The following ESR1 variants were observed in gnomAD, a reference collection of about 807,000 sequenced individuals.
ESR1 encodes estrogen receptor.
A neutral mutation model predicts 52.7 loss-of-function variants in ESR1; 12 were observed. That is an observed-to-expected ratio of 0.23 (90% CI 0.15 to 0.37). ESR1 has a LOEUF of 0.37. Ranked by LOEUF, ESR1 falls within the 10% of genes least tolerant of loss-of-function variation. ESR1 has a pLI of 1.00. For synonymous variants in ESR1, 305 were observed against 316.8 expected, an observed-to-expected ratio of 0.96 and a Z score of 0.39; for missense variants, 584 against 779.7, an observed-to-expected ratio of 0.75 and a Z score of 2.99.
At chr6:151,952,924 G>C (rs1409957294) in intron 4 of ESR1, among the ~76,000 whole-genome samples, 1 of 152,098 alleles carries the variant, frequency 6.6e-6, no homozygotes, top group South Asian at 2.1e-4. Context: ...ATGTAGTCAG[G>C]GTAGCTTTCA....
intron 5 of ESR1, among the ~76,000 whole-genome samples, chr6:152,058,899 A>G (rs2047320767): frequency 6.6e-6 from 1 of 152,196 alleles, no homozygotes; most frequent in Non-Finnish European, 1.5e-5. Context: ...AACAATCTTG[A>G]GTCCTAATCC....
chr6:151,887,550 C>T (rs1355901029), intron 3 of ESR1, among the ~76,000 whole-genome samples: 2 of 152,110 alleles, frequency 1.3e-5, no homozygotes, highest in Non-Finnish European at 2.9e-5. Context: ...GGCATACCCT[C>T]TCTTTATTCA....
chr6:151,790,575 T>G lies in ESR1; in HGVS notation c.-70-17268T>G, dbSNP rs138353491. On this transcript the variant is annotated intron_variant, in intron 2 of 2. Transcript: ENST00000404742. ...AGAGAAGAGAGAAGAGAGAAACGCT[T>G]CTTGCTGCTTTTTTTTTTTTTAATC... 5.2e-3 allele frequency among the ~76,000 whole-genome samples: 787 copies of G among 150,456 alleles called. 24 individuals are homozygous for G. The East Asian group carries it at 0.054, about 10-fold the overall frequency.
chr6:151,867,519 A>G (rs1790153969), intron 2 of ESR1, among the ~76,000 whole-genome samples: 1 of 152,154 alleles, frequency 6.6e-6, no homozygotes, highest in South Asian at 2.1e-4. Flanking sequence ...TGCCAACAAC[A>G]TAAATATGCT....
At chr6:151,831,794 A>G (rs930398815) in intron 1 of ESR1, among the ~76,000 whole-genome samples, 3 of 152,246 alleles carry the variant, frequency 2.0e-5, no homozygotes, top group East Asian at 1.9e-4. Flanking sequence ...GCCTGCCACA[A>G]CCATCAATTT....
intron 2 of ESR1, among the ~76,000 whole-genome samples, chr6:151,793,638 G>A (rs1480698952): frequency 6.6e-6 from 1 of 152,166 alleles, no homozygotes; most frequent in Non-Finnish European, 1.5e-5. Flanking sequence ...CAGCTACAAT[G>A]TCAGGAGGCA....
chr6:152,037,714 T>G (rs1237808227), intron 5 of ESR1, among the ~76,000 whole-genome samples: 1 of 152,186 alleles, frequency 6.6e-6, no homozygotes, highest in Admixed American at 6.5e-5. Context: ...GGATATGAAG[T>G]TAGACCTTAC....
chr6:151,716,978 G>A lies in ESR1; in HGVS notation c.-71+14973G>A, dbSNP rs148652692. Among the ~76,000 whole-genome samples, 387 of 152,302 alleles carry A rather than the reference G, an allele frequency of 2.5e-3. 8 individuals carry two copies. In the East Asian group the frequency reaches 0.058, roughly 23 times the overall value. On this transcript the variant is annotated intron_variant, in intron 2 of 2. Transcript: ENST00000404742. ...CCTGGAGGCATAGGCACCCAAGGGA[G>A]TCTCCTGGTCTGCACCCAAGGGAAT...
chr6:151,959,131 G>A (rs1211144473), intron 4 of ESR1, among the ~76,000 whole-genome samples: 1 of 152,124 alleles, frequency 6.6e-6, no homozygotes, highest in African/African-American at 2.4e-5. Flanking sequence ...CCACCTAAGT[G>A]TGCAAGTGTA....
chr6:151,797,264 C>A (rs899826385), intron 2 of ESR1, among the ~76,000 whole-genome samples: 2 of 152,164 alleles, frequency 1.3e-5, no homozygotes, highest in Admixed American at 6.5e-5. Context: ...GCATTTATTT[C>A]CAAGAATAAG....
At chr6:151,836,352 G>A (rs1314965473) in intron 1 of ESR1, among the ~76,000 whole-genome samples, 2 of 152,126 alleles carry the variant, frequency 1.3e-5, no homozygotes, top group South Asian at 2.1e-4. Context: ...TAAAGCAAAG[G>A]AGGAACAAAG....
rs142687829 is a variant in ESR1, at chr6:152,112,408, C to A, written c.851-12858C>A. On this transcript the variant is annotated intron_variant, in intron 6 of 6. Transcript: ENST00000427531. Reference sequence around the variant, plus strand: ...CCCGACTAGTGAGTTCCTCCTTTCCCCAGCAACTCTGTGACACTGGAGATT... The same window carrying A: ...CCCGACTAGTGAGTTCCTCCTTTCCACAGCAACTCTGTGACACTGGAGATT... Among the ~76,000 whole-genome samples, 63 of 152,226 alleles carry A rather than the reference C, an allele frequency of 4.1e-4. No individual in the cohort carries two copies. In the South Asian group the frequency reaches 6.0e-3, roughly 15 times the overall value.
intron 6 of ESR1, among the ~76,000 whole-genome samples, chr6:152,075,122 C>T (rs2048635138): frequency 6.6e-6 from 1 of 152,162 alleles, no homozygotes; most frequent in Non-Finnish European, 1.5e-5. Context: ...ATGGGGTCAC[C>T]AGAGGATAGG....
intron 2 of ESR1, among the ~76,000 whole-genome samples, chr6:151,782,419 T>C (rs529549687): frequency 1.3e-3 from 198 of 152,346 alleles, no homozygotes; most frequent in African/African-American, 4.7e-3. Context: ...GATAAAGATT[T>C]ATTTAACCCT....
At chr6:151,693,577 T>G (rs1050348746) in intron 1 of ESR1, among the ~76,000 whole-genome samples, 2 of 152,228 alleles carry the variant, frequency 1.3e-5, no homozygotes, top group South Asian at 4.1e-4. Context: ...GCATGTTGCT[T>G]CATTGTTGGG....
chr6:151,855,978 T>C (rs1355108523), intron 2 of ESR1, among the ~76,000 whole-genome samples: 1 of 152,200 alleles, frequency 6.6e-6, no homozygotes, highest in Admixed American at 6.6e-5. Flanking sequence ...TCGCAATTAC[T>C]TTTGCACCAA....
intron 6 of ESR1, among the ~76,000 whole-genome samples, chr6:152,114,777 G>A (rs1336421575): frequency 1.3e-5 from 2 of 149,396 alleles, no homozygotes; most frequent in Admixed American, 6.7e-5. Context: ...TGTAGTCCCA[G>A]CTACTTGGGA....
intron 6 of ESR1, among the ~76,000 whole-genome samples, chr6:152,113,751 G>A (rs1486338384): frequency 1.3e-5 from 2 of 152,084 alleles, no homozygotes; most frequent in Non-Finnish European, 2.9e-5. Context: ...CTAAAATAGC[G>A]TTAACTGTCC....
chr6:151,982,901 G>A (rs535020381), intron 4 of ESR1, among the ~76,000 whole-genome samples: 2 of 151,912 alleles, frequency 1.3e-5, no homozygotes, highest in South Asian at 2.1e-4. Context: ...AAATGTCATC[G>A]GAGATATTCG....
Sources: gnomAD v4.1 joint callset for allele counts (sites outside exome capture counted in the v4.1 genomes callset) on GRCh38, gnomAD v4.1.1 for gene constraint, MANE v1.5 for transcripts, NCBI Gene and HGNC (gene_info 2026-07-23, HGNC 2026-07-21) for gene names.